Variants in LRP1 observed in about 807,000 individuals in gnomAD.
LRP1 encodes the protein prolow-density lipoprotein receptor-related protein 1.
LRP1 carries 51 observed loss-of-function variants against 541.5 expected under a neutral mutation model. That is an observed-to-expected ratio of 0.09 (90% confidence interval 0.08 to 0.12). The LOEUF is 0.12. LRP1 is among the 10% of genes least tolerant of loss of function. The pLI is 1.00. For missense variants in LRP1, 3,878 were observed against 6,376.2 expected (o/e 0.61, Z 13.34); for synonymous variants, 2,219 against 2,470.8 (o/e 0.90, Z 3.02).
chr12:57,194,643 G>T lies in LRP1; in HGVS notation c.8135G>T (p.Ser2712Ile). The change falls in exon 50 of 89, where the codon AGC becomes ATC. Residue 2712 changes from serine (S) to isoleucine (I), a missense_variant. By Grantham distance (142) the Ser-to-Ile change is moderately radical. This residue lies in a region of LRP1 where 1,100 missense variants were observed against 1,827.4 expected (regional missense o/e 0.60). Transcript: ENST00000243077. ...ACPSGRCIPMSWTCDKEDDCE... is the reference protein window; with the variant it reads ...ACPSGRCIPMIWTCDKEDDCE... ...CCTAGTGGGCGCTGCATCCCCATGA[G>T]CTGGACGTGTGACAAAGAGGATGAC... 1 of 1,605,052 alleles carries T rather than the reference G, an allele frequency of 6.2e-7. No individual in the cohort carries two copies. Among genetic ancestry groups the T allele is most frequent in the Non-Finnish European group, 8.5e-7 (1 of 1,176,400 alleles).
In LRP1 at chr12:57,198,140, CT is replaced by C. The variant is rs779934701; in HGVS notation, c.9283-15del. The C allele has an allele frequency of 3.8e-6, 6 of 1,592,140 alleles. No homozygotes were observed. The Admixed American group carries it at 8.4e-5, about 22-fold the overall frequency. On this transcript the variant is annotated splice_polypyrimidine_tract_variant and intron_variant, in intron 58 of 88. Transcript: ENST00000243077. ...CAGGTCACCCAGAGCTCTCCCTCCC[CT>C]GCCCCTTCCTGCAGGTCCTACACCG...
rs563466530 is a variant in LRP1, at chr12:57,165,707, A to G, written c.2531-98A>G. The G allele has an allele frequency of 4.7e-5, 60 of 1,271,880 alleles. No homozygotes were observed. In the African/African-American group the frequency reaches 8.6e-4, roughly 18 times the overall value. 78.8% of individuals were successfully genotyped at this position (1,271,880 alleles called of 1,614,324 possible). A position where few individuals can be genotyped will look rare whatever the true frequency, so the allele number is the denominator to read the frequency against. Reference sequence around the variant, plus strand: ...CTAGAAAAAATTACTTTGTATTATTAAAAAATAGTAAAACAAACAAAAATG... The same window carrying G: ...CTAGAAAAAATTACTTTGTATTATTGAAAAATAGTAAAACAAACAAAAATG... On this transcript the variant is annotated intron_variant, in intron 15 of 88. Coordinates refer to ENST00000243077, the MANE Select transcript of LRP1 (RefSeq NM_002332.3). This position sits in a 1 kb window ranked among gnomAD's most constrained non-coding sequence, Gnocchi z 4.5.
intron 1 of LRP1, 143 bp from the exon 2 acceptor site, chr12:57,138,316 C>A (rs1297306668): frequency 3.0e-6 from 3 of 989,296 alleles, no homozygotes; most frequent in Middle Eastern, 2.7e-4. Flanking sequence ...CCCCCTGACA[C>A]CCCCAGGCAC....
chr12:57,203,717 C>T, intron 70 of LRP1, 196 bp downstream of exon 70: 3 of 695,742 alleles, frequency 4.3e-6, no homozygotes, highest in Non-Finnish European at 2.2e-6. Flanking sequence ...CCCCTGAATA[C>T]ACATTTTTGT....
At chr12:57,202,617 C>A (rs1239455182) in intron 68 of LRP1, 80 bp downstream of exon 68, 3 of 1,183,550 alleles carry the variant, frequency 2.5e-6, no homozygotes, top group Non-Finnish European at 2.4e-6. Context: ...CCACAGGCCG[C>A]GCCAGAGCTG....
rs1435365628 is a variant in LRP1 at position 57,166,143 on chromosome 12, C to T, written c.2731C>T (p.Arg911Cys). Residue 911 changes from arginine (R) to cysteine (C), a missense_variant, in exon 17 of 89, where the codon CGC becomes TGC. This residue lies in a region of LRP1 where 496 missense variants were observed against 861.0 expected (regional missense o/e 0.58). Coordinates refer to ENST00000243077, the MANE Select transcript of LRP1 (RefSeq NM_002332.3). The part of the protein sequence containing the change: ...KCENNRCIPN[R>C]WLCDGDNDCG... ...CGAGAACAACCGGTGCATCCCCAAC[C>T]GCTGGCTCTGCGACGGGGACAATGA... 2.5e-6 allele frequency: 4 copies of T among 1,614,222 alleles called. No homozygotes were observed. The highest frequency in any genetic ancestry group is 1.7e-5 in the Admixed American group (1 of 60,028).
chr12:57,190,851 C>G lies in LRP1; in HGVS notation c.7078C>G (p.Arg2360Gly). Residue 2360 changes from arginine (R) to glycine (G), a missense_variant, in exon 43 of 89, where the codon CGG becomes GGG. By Grantham distance (125) the Arg-to-Gly change is moderately radical (BLOSUM62 -2). Around this residue, in one of 13 missense-constraint regions of LRP1, gnomAD observed 1,100 missense variants for 1,827.4 expected, o/e 0.60. Transcript: ENST00000243077. ...GAATGAGCAGCATCCCAGCATCATG[C>G]GGGCGGCGCTCTCGGGAGCCAATGT... Reference protein sequence around the residue: ...NWNEQHPSIMRAALSGANVLT... With the variant: ...NWNEQHPSIMGAALSGANVLT... 6.2e-7 allele frequency: 1 copy of G among 1,613,976 alleles called. No individual in the cohort carries two copies. The highest frequency in any genetic ancestry group is 8.5e-7 in the Non-Finnish European group (1 of 1,179,990).
chr12:57,148,600 G>C (rs1376452055), intron 6 of LRP1, among the ~76,000 whole-genome samples: 1 of 152,148 alleles, frequency 6.6e-6, no homozygotes, highest in Non-Finnish European at 1.5e-5. Context: ...GAGCTCCTCT[G>C]ATCTGTATTC....
chr12:57,184,747 C>T lies in LRP1; in HGVS notation c.6187-92C>T. On this transcript the variant is annotated intron_variant, in intron 38 of 88. Coordinates refer to ENST00000243077, the MANE Select transcript of LRP1 (RefSeq NM_002332.3). The surrounding 1 kb of genome is among the most constrained non-coding windows in gnomAD (Gnocchi z 7.8). ...AGTTAGGGGAGGCTGAACTGAGGGC[C>T]TCACTCTGGCCCAGGCACTCCCTGC... 2.9e-6 allele frequency: 4 copies of T among 1,399,882 alleles called. No individual in the cohort carries two copies. In the East Asian group the frequency reaches 7.2e-5, roughly 25 times the overall value. The allele number at this position is 1,399,882 out of a possible 1,614,324, so 86.7% of individuals were successfully genotyped here. A position where few individuals can be genotyped will look rare whatever the true frequency, so the allele number is the denominator to read the frequency against.
At position 57,156,292 on chromosome 12, in the gene LRP1, G is replaced by A. The variant is rs768334821; in HGVS notation, c.1417+9G>A. The A allele has an allele frequency of 2.2e-5, 36 of 1,613,390 alleles. No homozygotes were observed. Among genetic ancestry groups the A allele is most frequent in the Non-Finnish European group, 2.9e-5 (34 of 1,179,742 alleles). On this transcript the variant is annotated intron_variant, in intron 9 of 88. Transcript: ENST00000243077. The surrounding 1 kb of genome is among the most constrained non-coding windows in gnomAD (Gnocchi z 5.2). ...GAGGCGTCAGCCCCGAGGTGAGCAG[G>A]GCTCCATGGCCCCTCCAAAGCTGGC...
chr12:57,203,356 G>A, intron 69 of LRP1, 33 bp from the exon 70 acceptor site: 1 of 1,593,128 alleles, frequency 6.3e-7, no homozygotes, highest in Non-Finnish European at 8.6e-7. Flanking sequence ...GGAGTGCCGA[G>A]AGGTGACCGG....
intron 6 of LRP1, among the ~76,000 whole-genome samples, chr12:57,145,907 G>A (rs1183109145): frequency 6.6e-6 from 1 of 152,134 alleles, no homozygotes; most frequent in Non-Finnish European, 1.5e-5. Flanking sequence ...GGGCCCAGCT[G>A]CTCTGTCTCC....
intron 17 of LRP1, 163 bp downstream of exon 17, chr12:57,166,372 T>C (rs943407453): frequency 2.3e-6 from 2 of 874,762 alleles, no homozygotes; most frequent in South Asian, 1.8e-5. Flanking sequence ...CTGGCCAACA[T>C]AGTGAGACCT....
At chr12:57,170,128 G>C (rs2035917481) in intron 20 of LRP1, among the ~76,000 whole-genome samples, 2 of 152,262 alleles carry the variant, frequency 1.3e-5, no homozygotes, top group African/African-American at 2.4e-5. Flanking sequence ...AGCTTGACCC[G>C]ATCTCTGCCT....
chr12:57,129,113 G>C, intron 1 of LRP1, 82 bp downstream of exon 1: 1 of 1,387,464 alleles, frequency 7.2e-7, no homozygotes. Flanking sequence ...ATGGGGAAGG[G>C]AGACGCGGGA....
At chr12:57,208,657 C>A in intron 77 of LRP1, 54 bp from the exon 78 acceptor site, 1 of 1,149,274 alleles carries the variant, frequency 8.7e-7, no homozygotes, top group Non-Finnish European at 1.3e-6. Flanking sequence ...CCTGCCTGGG[C>A]CTGCCTCCTC....
At chr12:57,187,212 G>A in intron 41 of LRP1, 55 bp from the exon 42 acceptor site, 12 of 1,560,738 alleles carry the variant, frequency 7.7e-6, no homozygotes, top group Non-Finnish European at 1.0e-5. Flanking sequence ...CACGGCTCCT[G>A]TGCAGGCTGC....
chr12:57,142,056 G>T (rs377146385), intron 3 of LRP1, among the ~76,000 whole-genome samples: 3 of 152,170 alleles, frequency 2.0e-5, no homozygotes, highest in Admixed American at 2.0e-4. Flanking sequence ...GTGGTTGATA[G>T]GAAAGCCATC....
At position 57,194,624 on chromosome 12, in the gene LRP1, G is replaced by A; in HGVS notation, c.8116G>A (p.Gly2706Arg). ...CPLNYFACPS[G>R]RCIPMSWTCD... ...TCTGAATTACTTCGCCTGCCCTAGT[G>A]GGCGCTGCATCCCCATGAGCTGGAC... Residue 2706 changes from glycine to arginine, a missense_variant, in exon 50 of 89, where the codon GGG (glycine) becomes AGG (arginine). By Grantham distance (125) the Gly-to-Arg change is moderately radical. This residue lies in a region of LRP1 where 1,100 missense variants were observed against 1,827.4 expected (regional missense o/e 0.60). Coordinates refer to ENST00000243077, the MANE Select transcript of LRP1 (RefSeq NM_002332.3). 2 of 1,610,508 alleles carry A rather than the reference G, an allele frequency of 1.2e-6. No homozygotes were observed. Among genetic ancestry groups the A allele is most frequent in the Non-Finnish European group, 1.7e-6 (2 of 1,179,078 alleles).
Sources: gnomAD v4.1 joint callset for allele counts (sites outside exome capture counted in the v4.1 genomes callset) on GRCh38, gnomAD v4.1.1 for gene constraint, gnomAD v4.1.1 regional missense constraint, Gnocchi (gnomAD v3.1) non-coding constraint, MANE v1.5 for transcripts, NCBI Gene and HGNC (gene_info 2026-07-23, HGNC 2026-07-21) for gene names.